The following INPP5J variants were observed in gnomAD, a reference collection of about 807,000 sequenced individuals.
INPP5J encodes phosphatidylinositol 4,5-bisphosphate 5-phosphatase A.
Under a neutral mutation model 86.6 loss-of-function variants are expected in INPP5J, and 75 were observed. The ratio of observed to expected loss-of-function variants is 0.87; its 90% CI spans 0.72 to 1.05. The LOEUF (loss-of-function observed/expected upper bound fraction) is 1.05, where lower values mean the gene tolerates loss of function less well. Among genes scored for constraint, INPP5J ranks in the 50% least tolerant of loss-of-function variants. INPP5J has a pLI of 0.00. For synonymous variants in INPP5J, 540 were observed against 550.0 expected (o/e 0.98, Z 0.25); for missense variants, 1,229 against 1,341.2 (o/e 0.92, Z 1.31).
Position 31,128,324 on chromosome 22 carries a change from G to A in INPP5J, c.2009+1G>A. 1 of 1,589,044 alleles carries A rather than the reference G, an allele frequency of 6.3e-7. No individual in the cohort carries two copies. The highest frequency in any genetic ancestry group is 8.6e-7 in the Non-Finnish European group (1 of 1,167,054). On this transcript the variant is annotated splice_donor_variant, in intron 8 of 12. Coordinates refer to ENST00000331075, the MANE Select transcript of INPP5J (RefSeq NM_001284285.2). LOFTEE classifies it high-confidence loss of function. ...TGGGTACCAACAAATACGATACCAG[G>A]TGAGCTCAGTCCGAGGAGGGACTGA...
chr22:31,127,223 G>C, intron 5 of INPP5J, 134 bp from the exon 6 acceptor site: 1 of 866,376 alleles, frequency 1.2e-6, no homozygotes. Context: ...TCTCCCCACT[G>C]TGTCCCAGCG....
Position 31,124,905 on chromosome 22 carries a change from A to C in INPP5J, c.166A>C (p.Arg56=). ...KNAALGPSEP[R]LALAPVGPRA... is the part of the protein sequence containing the mutation. ...CGCAGCCCTAGGACCCTCGGAACCA[A>C]GGTTGGCTCTGGCACCTGTAGGGCC... Residue 56 remains arginine, a synonymous_variant, in exon 2 of 13, where the codon AGG becomes CGG. Coordinates refer to ENST00000331075, the MANE Select transcript of INPP5J (RefSeq NM_001284285.2). 6.2e-7 allele frequency: 1 copy of C among 1,613,936 alleles called. No homozygotes were observed. The highest frequency in any genetic ancestry group is 8.5e-7 in the Non-Finnish European group (1 of 1,179,856).
chr22:31,125,251 C>G lies in INPP5J; in HGVS notation c.512C>G (p.Pro171Arg). 2 of 1,550,538 alleles carry G rather than the reference C, an allele frequency of 1.3e-6. No individual in the cohort carries two copies. The highest frequency in any genetic ancestry group is 1.7e-6 in the Non-Finnish European group (2 of 1,146,970). The change falls in exon 2 of 13, where the codon CCT becomes CGT. Residue 171 changes from proline (P) to arginine (R), a missense_variant. Physicochemically the swap from Pro to Arg is moderately radical, Grantham distance 103. Coordinates refer to ENST00000331075, the MANE Select transcript of INPP5J (RefSeq NM_001284285.2). ...PTSRDQKQEP[P>R]ASVGPKPTLA... ...TCCAGAGACCAGAAGCAGGAGCCAC[C>G]TGCCTCCGTGGGACCCAAGCCAACA... is the stretch of plus-strand genomic sequence containing the variant.
chr22:31,127,072 C>T (rs1921550462), intron 5 of INPP5J, 35 bp downstream of exon 5: 1 of 1,400,038 alleles, frequency 7.1e-7, no homozygotes, highest in African/African-American at 1.4e-5. Flanking sequence ...GAGGATGGGA[C>T]ATGAAGGGGG....
Position 31,133,226 on chromosome 22 carries a change from C to T in INPP5J, c.2322C>T (p.Gly774=), listed in dbSNP as rs760661063. The T allele has an allele frequency of 6.2e-7, 1 of 1,606,960 alleles. No individual in the cohort carries two copies. Residue 774 remains glycine (G), a synonymous_variant, in exon 10 of 13, where the codon GGC becomes GGT. Coordinates refer to ENST00000331075, the MANE Select transcript of INPP5J (RefSeq NM_001284285.2). ...CCCGCAGCTCCTGGGACTGGATCGG[C>T]TTATACCGGGTGAGAGGGGCAGTGG... ...VFARSSWDWI[G]LYRVGFRHCK... is the part of the protein sequence containing the mutation.
intron 11 of INPP5J, 35 bp from the exon 12 acceptor site, chr22:31,133,575 C>T: frequency 6.3e-7 from 1 of 1,595,320 alleles, no homozygotes; most frequent in Non-Finnish European, 8.6e-7. Context: ...GCCTCCCTGA[C>T]CCCCAACTTA....
chr22:31,133,966 C>T lies in INPP5J; in HGVS notation c.2568C>T (p.Thr856=), dbSNP rs777363255. 1 of 1,613,382 alleles carries T rather than the reference C, an allele frequency of 6.2e-7. No homozygotes were observed. ...GCAGCAGCACAGACAGCTCAGGCAC[C>T]AGCTCAGAGGGAGAGGATGACAGCA... is the stretch of plus-strand genomic sequence containing the variant. The part of the protein sequence containing the change: ...LASSSTDSSG[T]SSEGEDDSTL... The change falls in exon 13 of 13, where the codon ACC becomes ACT. Residue 856 remains threonine (T), a synonymous_variant. Coordinates refer to ENST00000331075, the MANE Select transcript of INPP5J (RefSeq NM_001284285.2).
intron 12 of INPP5J, 32 bp downstream of exon 12, chr22:31,133,746 C>A: frequency 1.3e-6 from 2 of 1,585,328 alleles, no homozygotes; most frequent in Non-Finnish European, 1.7e-6. Context: ...GCTGGGGGTG[C>A]CTAAAGACTT....
chr22:31,128,250 G>C lies in INPP5J; in HGVS notation c.1936G>C (p.Gly646Arg). Residue 646 changes from glycine to arginine, a missense_variant, in exon 8 of 13, where the codon GGC (glycine) becomes CGC (arginine). Coordinates refer to ENST00000331075, the MANE Select transcript of INPP5J (RefSeq NM_001284285.2). ...CAAGAACACCTGGCCCATTCTGAAG[G>C]GCTTTCAGGAGGGGCCCCTCAACTT... The part of the protein sequence containing the change: ...MAKNTWPILK[G>R]FQEGPLNFAP... 6.2e-7 allele frequency: 1 copy of C among 1,600,556 alleles called. No homozygotes were observed. Among genetic ancestry groups the C allele is most frequent in the South Asian group, 1.1e-5 (1 of 88,726 alleles).
Position 31,128,030 on chromosome 22 carries a change from G to T in INPP5J, c.1867G>T (p.Asp623Tyr). Residue 623 changes from aspartate to tyrosine, a missense_variant, in exon 7 of 13, where the codon GAC becomes TAC. Asp to Tyr is a radical substitution (Grantham distance 160). Coordinates refer to ENST00000331075, the MANE Select transcript of INPP5J (RefSeq NM_001284285.2). ...CTTTGTCAAGTTTGCCATCGACAGT[G>T]ACCAGCTCCATCAGCTCTGGGAGAA... Reference protein sequence around the residue: ...LHFVKFAIDSDQLHQLWEKDQ... With the variant: ...LHFVKFAIDSYQLHQLWEKDQ... 1 of 1,613,248 alleles carries T rather than the reference G, an allele frequency of 6.2e-7. No homozygotes were observed. The highest frequency in any genetic ancestry group is 1.1e-5 in the South Asian group (1 of 91,050).
Position 31,133,816 on chromosome 22 carries a change from C to T in INPP5J, c.2515-97C>T, listed in dbSNP as rs1262198466. 3.8e-6 allele frequency: 6 copies of T among 1,594,784 alleles called. No individual in the cohort carries two copies. In the Admixed American group the frequency reaches 1.0e-4, roughly 27 times the overall value. The stretch of plus-strand genomic sequence containing the variant: ...TGAGTTCAGACAAATAACCTGACCT[C>T]CCAAGATCTGCCAACGAGAGAGGCA... On this transcript the variant is annotated intron_variant, in intron 12 of 12. Coordinates refer to ENST00000331075, the MANE Select transcript of INPP5J (RefSeq NM_001284285.2).
At position 31,126,458 on chromosome 22, in the gene INPP5J, G is replaced by A. The variant is rs747582346; in HGVS notation, c.1354G>A (p.Asp452Asn). 14 of 1,613,754 alleles carry A rather than the reference G, an allele frequency of 8.7e-6. No homozygotes were observed. Among genetic ancestry groups the A allele is most frequent in the South Asian group, 2.2e-5 (2 of 91,070 alleles). ...CCTCCTCCACCTGGGCGGTGGTGAC[G>A]ACAGCGACGGCGCAGACATGATCGC... ...TSLLHLGGGD[D>N]SDGADMIAIG... Residue 452 changes from aspartate to asparagine, a missense_variant, in exon 3 of 13, where the codon GAC becomes AAC. Physicochemically the swap from Asp to Asn is conservative, Grantham distance 23. Transcript: ENST00000331075.
rs1011973546 is a variant in INPP5J, at chr22:31,128,201, G to C, written c.1900-13G>C. The C allele has an allele frequency of 6.3e-7, 1 of 1,574,930 alleles. No homozygotes were observed. The highest frequency in any genetic ancestry group is 2.3e-5 in the East Asian group (1 of 43,182). On this transcript the variant is annotated splice_polypyrimidine_tract_variant and intron_variant, in intron 7 of 12. Transcript: ENST00000331075. Reference sequence around the variant, plus strand: ...AAGCTGTTGTCCAATCTGCTCTCCTGGACCCCCCACAGCTCAACATGGCCA... The same window carrying C: ...AAGCTGTTGTCCAATCTGCTCTCCTCGACCCCCCACAGCTCAACATGGCCA...
At position 31,134,275 on chromosome 22, in the gene INPP5J, C is replaced by T. The variant is rs1922385401; in HGVS notation, c.2877C>T (p.Gly959=). Reference sequence around the variant, plus strand: ...CACCAGCTGTGCCTCGAAGCCTGGGCCTGTTGCCCGCCTTGCGCCTAGAGA... The same window carrying T: ...CACCAGCTGTGCCTCGAAGCCTGGGTCTGTTGCCCGCCTTGCGCCTAGAGA... The part of the protein sequence containing the change: ...AFPPAVPRSL[G]LLPALRLETV... The change falls in exon 13 of 13, where the codon GGC becomes GGT. Residue 959 remains glycine, a synonymous_variant. Coordinates refer to ENST00000331075, the MANE Select transcript of INPP5J (RefSeq NM_001284285.2). 2 of 1,553,238 alleles carry T rather than the reference C, an allele frequency of 1.3e-6. No homozygotes were observed. Among genetic ancestry groups the T allele is most frequent in the Non-Finnish European group, 1.7e-6 (2 of 1,148,724 alleles).
Position 31,127,445 on chromosome 22 carries a change from A to G in INPP5J, c.1700A>G (p.Lys567Arg). ...TGCCACTTGCCTGCGCATATGGACAAGGCGGAGCAGCGCAAAGACAACTTC... is the reference window on the plus strand; with the variant it reads ...TGCCACTTGCCTGCGCATATGGACAGGGCGGAGCAGCGCAAAGACAACTTC... ...LNCHLPAHMD[K>R]AEQRKDNFQT... Residue 567 changes from lysine (K) to arginine (R), a missense_variant, in exon 6 of 13, where the codon AAG (lysine) becomes AGG (arginine). By Grantham distance (26) the Lys-to-Arg change is conservative (BLOSUM62 2). Coordinates refer to ENST00000331075, the MANE Select transcript of INPP5J (RefSeq NM_001284285.2). 1 of 1,613,884 alleles carries G rather than the reference A, an allele frequency of 6.2e-7. No individual in the cohort carries two copies. Among genetic ancestry groups the G allele is most frequent in the Non-Finnish European group, 8.5e-7 (1 of 1,179,852 alleles).
intron 9 of INPP5J, among the ~76,000 whole-genome samples, chr22:31,129,542 C>CTTT (rs56039276): frequency 2.1e-5 from 2 of 96,310 alleles, no homozygotes; most frequent in South Asian, 4.6e-4. Context: ...GCCCGGCGCC[C>CTTT]TTTTTTTTTT....
At chr22:31,130,463 G>A (rs1387518780) in intron 9 of INPP5J, among the ~76,000 whole-genome samples, 1 of 151,510 alleles carries the variant, frequency 6.6e-6, no homozygotes, top group East Asian at 1.9e-4. Flanking sequence ...GCTGTGAGCT[G>A]TGATCGTACC....
rs774959785 is a variant in INPP5J, at chr22:31,134,021, A to G, written c.2623A>G (p.Ser875Gly). ...GGAGCTCCTTGCACCCAAGTCCCGC[A>G]GCCCCAGTCCTGGCAAGTCCAAGCG... ...TLELLAPKSR[S>G]PSPGKSKRHR... The change falls in exon 13 of 13, where the codon AGC (serine) becomes GGC (glycine). Residue 875 changes from serine to glycine, a missense_variant. Physicochemically the swap from Ser to Gly is moderately conservative, Grantham distance 56 (BLOSUM62 0). Transcript: ENST00000331075. 6.2e-7 allele frequency: 1 copy of G among 1,608,740 alleles called. No individual in the cohort carries two copies. The highest frequency in any genetic ancestry group is 8.5e-7 in the Non-Finnish European group (1 of 1,178,274).
intron 9 of INPP5J, among the ~76,000 whole-genome samples, chr22:31,130,815 G>A (rs192887869): frequency 1.1e-4 from 16 of 152,226 alleles, no homozygotes; most frequent in African/African-American, 3.1e-4. Context: ...CCTGGTTGCC[G>A]ACATCAAAAT....
Sources: gnomAD v4.1 joint callset for allele counts (sites outside exome capture counted in the v4.1 genomes callset) on GRCh38, gnomAD v4.1.1 for gene constraint, MANE v1.5 for transcripts, NCBI Gene and HGNC (gene_info 2026-07-23, HGNC 2026-07-21) for gene names.